The following NUP93 variants were observed in gnomAD, a reference collection of about 807,000 sequenced individuals.
NUP93 encodes the protein nucleoporin 93, also known as nuclear pore complex protein Nup93.
NUP93 carries 55 observed loss-of-function variants against 107.8 expected under a neutral mutation model. The ratio of observed to expected loss-of-function variants is 0.51; its 90% confidence interval spans 0.41 to 0.64. The LOEUF is 0.64. Ranked by LOEUF, NUP93 falls within the 30% of genes least tolerant of loss-of-function variation. The pLI is 0.00. For missense variants in NUP93, 937 were observed against 1,044.7 expected, an observed-to-expected ratio of 0.90 and a Z score of 1.42; for synonymous variants, 390 against 397.5, an observed-to-expected ratio of 0.98 and a Z score of 0.22.
intron 3 of NUP93, among the ~76,000 whole-genome samples, chr16:56,777,022 G>A (rs564554291): frequency 4.6e-5 from 7 of 151,728 alleles, no homozygotes; most frequent in African/African-American, 1.5e-4. Flanking sequence ...GAGAGTGAGC[G>A]TGTGTGTGTG....
intron 21 of NUP93, among the ~76,000 whole-genome samples, chr16:56,842,369 G>T (rs1226785176): frequency 6.6e-6 from 1 of 152,126 alleles, no homozygotes; most frequent in Non-Finnish European, 1.5e-5. Context: ...ATGTCTGGAG[G>T]CTGGGTCTCT....
chr16:56,783,441 C>T (rs1962556628), intron 3 of NUP93: 8 of 982,504 alleles, frequency 8.1e-6, no homozygotes, highest in Admixed American at 6.2e-5. Context: ...CTTTGAAACT[C>T]TGACCCAGTG....
rs1376327152 is a variant in NUP93 at position 56,837,668 on chromosome 16, A to C, written c.1960A>C (p.Ser654Arg). 1 of 1,614,214 alleles carries C rather than the reference A, an allele frequency of 6.2e-7. No individual in the cohort carries two copies. Among genetic ancestry groups the C allele is most frequent in the South Asian group, 1.1e-5 (1 of 91,086 alleles). ...GCTGAGCCCTGTCGTCCCCCAGATCAGTGCCCCGCAATCCAACAAGGAGAG... is the reference window on the plus strand; with the variant it reads ...GCTGAGCCCTGTCGTCCCCCAGATCCGTGCCCCGCAATCCAACAAGGAGAG... ...KLLSPVVPQI[S>R]APQSNKERLK... The change falls in exon 18 of 22, where the codon AGT becomes CGT. Residue 654 changes from serine (S) to arginine (R), a missense_variant. Coordinates refer to ENST00000308159, the MANE Select transcript of NUP93 (RefSeq NM_014669.5).
At position 56,844,983 on chromosome 16, in the gene NUP93, T is replaced by A. The variant is rs187062245; in HGVS notation, c.*374T>A. 2 of 301,022 alleles carry A rather than the reference T, an allele frequency of 6.6e-6. No homozygotes were observed. Among genetic ancestry groups the A allele is most frequent in the Non-Finnish European group, 1.2e-5 (2 of 165,322 alleles). The allele number at this position is 301,022 out of a possible 1,614,324, so 18.6% of individuals were successfully genotyped here. ...TTTGGGAGTTACTTTTATTTAGATA[T>A]AATATTCCATATAGCAGAGTCACGA... On this transcript the variant is annotated 3_prime_UTR_variant, in exon 22 of 22. Transcript: ENST00000308159.
intron 3 of NUP93, among the ~76,000 whole-genome samples, chr16:56,761,135 A>C (rs1187056733): frequency 6.6e-6 from 1 of 152,220 alleles, no homozygotes; most frequent in Admixed American, 6.5e-5. Flanking sequence ...TTCTCTGTTC[A>C]CTTCATCTTC....
intron 1 of NUP93, among the ~76,000 whole-genome samples, chr16:56,730,615 C>T (rs1224519876): frequency 6.6e-6 from 1 of 152,162 alleles, no homozygotes; most frequent in Non-Finnish European, 1.5e-5. Context: ...GCCTACCCCT[C>T]GTGGACACAC....
intron 5 of NUP93, among the ~76,000 whole-genome samples, chr16:56,809,704 G>A (rs1205431479): frequency 6.6e-6 from 1 of 152,154 alleles, no homozygotes; most frequent in East Asian, 1.9e-4. Flanking sequence ...TGCACATCCG[G>A]TATCTATTCC....
chr16:56,744,821 G>A (rs1961795506), intron 1 of NUP93, among the ~76,000 whole-genome samples: 1 of 152,186 alleles, frequency 6.6e-6, no homozygotes, highest in African/African-American at 2.4e-5. Flanking sequence ...GAAATGTTAA[G>A]TATCAGTTGG....
chr16:56,808,477 AAT>A (rs1166861478), intron 5 of NUP93, among the ~76,000 whole-genome samples: 1 of 116,992 alleles, frequency 8.5e-6, no homozygotes, highest in African/African-American at 3.6e-5. Flanking sequence ...GTAACTATAA[AAT>A]ATATAGTTAT....
chr16:56,819,818 GTC>G (rs1444510576), intron 6 of NUP93, among the ~76,000 whole-genome samples: 3 of 152,108 alleles, frequency 2.0e-5, no homozygotes, highest in East Asian at 1.9e-4. Flanking sequence ...CTTTTTGAAA[GTC>G]TCTCTCTTTG....
chr16:56,804,906 A>C, intron 4 of NUP93, among the ~76,000 whole-genome samples: 1 of 140,254 alleles, frequency 7.1e-6, no homozygotes, highest in South Asian at 2.2e-4. Context: ...ACTCTGTCTC[A>C]AAAAAAAAAA....
intron 6 of NUP93, among the ~76,000 whole-genome samples, chr16:56,819,222 G>A (rs1393672617): frequency 6.6e-6 from 1 of 152,124 alleles, no homozygotes; most frequent in Non-Finnish European, 1.5e-5. Flanking sequence ...CATCCTTCTG[G>A]TTGTAGATGA....
intron 20 of NUP93, among the ~76,000 whole-genome samples, chr16:56,840,393 GTC>G (rs1567414703): frequency 6.6e-6 from 1 of 152,210 alleles, no homozygotes; most frequent in African/African-American, 2.4e-5. Context: ...CAGAGCCACT[GTC>G]TGTTGGGTTT....
chr16:56,752,895 A>G (rs1429033581), intron 2 of NUP93, among the ~76,000 whole-genome samples: 1 of 152,204 alleles, frequency 6.6e-6, no homozygotes, highest in African/African-American at 2.4e-5. Flanking sequence ...TAGACCATTC[A>G]TTGTGAAAAG....
At chr16:56,802,139 A>G (rs1202986999) in intron 4 of NUP93, among the ~76,000 whole-genome samples, 2 of 151,992 alleles carry the variant, frequency 1.3e-5, no homozygotes, top group African/African-American at 4.8e-5. Flanking sequence ...CTTCTACCCT[A>G]CCTGATCCTT....
intron 3 of NUP93, among the ~76,000 whole-genome samples, chr16:56,790,988 T>A (rs1232510049): frequency 6.6e-6 from 1 of 152,212 alleles, no homozygotes; most frequent in African/African-American, 2.4e-5. Context: ...TTTGTGTTGA[T>A]GTTATTTTGA....
chr16:56,830,666 A>G lies in NUP93; in HGVS notation c.1066A>G (p.Met356Val), dbSNP rs757080227. The G allele has an allele frequency of 9.4e-6, 15 of 1,592,060 alleles. No individual in the cohort carries two copies. In the South Asian group the frequency reaches 1.3e-4, roughly 14 times the overall value. Reference protein sequence around the residue: ...GEFKTWFQEYMNSKDRRLSPA... With the variant: ...GEFKTWFQEYVNSKDRRLSPA... Reference sequence around the variant, plus strand: ...GTTTAAAACCTGGTTCCAGGAGTACATGAACAGCAAGGACAGAAGGTATGG... The same window carrying G: ...GTTTAAAACCTGGTTCCAGGAGTACGTGAACAGCAAGGACAGAAGGTATGG... The change falls in exon 10 of 22, where the codon ATG (methionine) becomes GTG (valine). Residue 356 changes from methionine to valine, a missense_variant. Met to Val is a conservative substitution (Grantham distance 21). Coordinates refer to ENST00000308159, the MANE Select transcript of NUP93 (RefSeq NM_014669.5).
chr16:56,826,716 C>T (rs192741371), intron 8 of NUP93, among the ~76,000 whole-genome samples: 34 of 151,978 alleles, frequency 2.2e-4, no homozygotes, highest in African/African-American at 6.8e-4. Flanking sequence ...TTTTTCCCCC[C>T]GTTCTTGACG....
chr16:56,735,587 G>A (rs763004500), intron 1 of NUP93, among the ~76,000 whole-genome samples: 1 of 152,214 alleles, frequency 6.6e-6, no homozygotes, highest in Admixed American at 6.5e-5. Flanking sequence ...GCCCTCGCCT[G>A]TATTCCTAGC....
Sources: gnomAD v4.1 joint callset for allele counts (sites outside exome capture counted in the v4.1 genomes callset) on GRCh38, gnomAD v4.1.1 for gene constraint, MANE v1.5 for transcripts, NCBI Gene and HGNC (gene_info 2026-07-23, HGNC 2026-07-21) for gene names.